TGFB2: variants seen among roughly 807,000 people sequenced by gnomAD.
TGFB2 encodes transforming growth factor beta-2 proprotein.
In TGFB2, 13 loss-of-function variants were observed where a neutral mutation model predicts 42.7. The ratio of observed to expected loss-of-function variants is 0.30; its 90% CI spans 0.20 to 0.48. TGFB2 has a LOEUF of 0.48. TGFB2 is among the 20% of genes least tolerant of loss of function. The pLI is 0.99. For synonymous variants in TGFB2, 193 were observed against 193.6 expected (o/e 1.00, Z 0.03); for missense variants, 390 against 517.5 (o/e 0.75, Z 2.39).
intron 1 of TGFB2, among the ~76,000 whole-genome samples, chr1:218,380,195 G>A (rs1260593792): frequency 1.3e-5 from 2 of 152,144 alleles, no homozygotes. Flanking sequence ...AGCTCAAGTC[G>A]GTGACCAATC....
intron 1 of TGFB2, among the ~76,000 whole-genome samples, chr1:218,395,906 G>T (rs1021894675): frequency 2.6e-5 from 4 of 152,094 alleles, no homozygotes; most frequent in African/African-American, 7.2e-5. Flanking sequence ...GAGCCACCGC[G>T]CCAGGCCTTG....
chr1:218,414,044 A>G (rs1659190005), intron 2 of TGFB2, among the ~76,000 whole-genome samples: 1 of 152,198 alleles, frequency 6.6e-6, no homozygotes, highest in Non-Finnish European at 1.5e-5. Context: ...CATCTCTGCA[A>G]CAGATTTTAA....
At chr1:218,361,565 C>T (rs1045552819) in intron 1 of TGFB2, among the ~76,000 whole-genome samples, 6 of 152,118 alleles carry the variant, frequency 3.9e-5, no homozygotes, top group Non-Finnish European at 8.8e-5. Flanking sequence ...TTAAATCCCC[C>T]CAAGAAATGC....
Position 218,441,371 on chromosome 1 carries a change from G to A in TGFB2, c.*9G>A, listed in dbSNP as rs1057521805. 8 of 1,595,908 alleles carry A rather than the reference G, an allele frequency of 5.0e-6. No individual in the cohort carries two copies. Among genetic ancestry groups the A allele is most frequent in the African/African-American group, 1.4e-5 (1 of 73,780 alleles). On this transcript the variant is annotated 3_prime_UTR_variant, in exon 7 of 7. Coordinates refer to ENST00000366930, the MANE Select transcript of TGFB2 (RefSeq NM_003238.6). ...CTTGCAAATGCAGCTAAAATTCTTG[G>A]AAAAGTGGCAAGACCAAAATGACAA...
In TGFB2 at chr1:218,346,587, A is replaced by AAAC. The variant is rs1553292025; in HGVS notation, c.-103_-101dup. On this transcript the variant is annotated 5_prime_UTR_variant, in exon 1 of 7. Coordinates refer to ENST00000366930, the MANE Select transcript of TGFB2 (RefSeq NM_003238.6). The surrounding 1 kb of genome is among the most constrained non-coding windows in gnomAD (Gnocchi z 4.9). ...ATTGTTTGCAAAAGTTTCGCATCAA[A>AAAC]AACAACAACAACAAAAAACCAAACA... is the stretch of plus-strand genomic sequence containing the variant. The AAAC allele has an allele frequency of 3.4e-6, 3 of 875,232 alleles. No homozygotes were observed. Among genetic ancestry groups the AAAC allele is most frequent in the South Asian group, 1.9e-5 (1 of 52,112 alleles). The allele number at this position is 875,232 out of a possible 1,614,324, so 54.2% of individuals were successfully genotyped here. A position where few individuals can be genotyped will look rare whatever the true frequency, so the allele number is the denominator to read the frequency against.
intron 1 of TGFB2, 40 bp downstream of exon 1, chr1:218,347,087 T>C (rs1184335900): frequency 1.3e-6 from 2 of 1,537,238 alleles, no homozygotes; most frequent in Non-Finnish European, 1.8e-6. Flanking sequence ...GAGGTTTAGC[T>C]CTGCCCGGAG....
chr1:218,363,018 A>T (rs1657269342), intron 1 of TGFB2, among the ~76,000 whole-genome samples: 1 of 152,220 alleles, frequency 6.6e-6, no homozygotes, highest in African/African-American at 2.4e-5. Context: ...TTTAATATAA[A>T]TCAAGGTATT....
intron 1 of TGFB2, among the ~76,000 whole-genome samples, chr1:218,386,176 A>C (rs183835154): frequency 2.9e-4 from 44 of 152,294 alleles, no homozygotes; most frequent in Admixed American, 5.9e-4. Context: ...CAGTGGAAAG[A>C]GTGTGGACTT....
At chr1:218,401,527 A>G (rs1429431638) in intron 1 of TGFB2, among the ~76,000 whole-genome samples, 2 of 152,122 alleles carry the variant, frequency 1.3e-5, no homozygotes, top group Non-Finnish European at 2.9e-5. Flanking sequence ...TTGAAGGAAA[A>G]TCGATTTGAT....
rs187035758 is a variant in TGFB2 at position 218,442,760 on chromosome 1, A to T, written c.*1398A>T. The T allele has an allele frequency of 2.0e-5, 3 of 152,140 alleles. No individual in the cohort carries two copies. Among genetic ancestry groups the T allele is most frequent in the Non-Finnish European group, 4.4e-5 (3 of 67,972 alleles). The allele number at this position is 152,140 out of a possible 1,614,324, so 9.4% of individuals were successfully genotyped here. A position where few individuals can be genotyped will look rare whatever the true frequency, so the allele number is the denominator to read the frequency against. On this transcript the variant is annotated 3_prime_UTR_variant, in exon 7 of 7. Coordinates refer to ENST00000366930, the MANE Select transcript of TGFB2 (RefSeq NM_003238.6). Reference sequence around the variant, plus strand: ...TACTAACCAAGTCAGACGTTAACAAATTTTTATGTTAGGAAAAGGAGGAAT... The same window carrying T: ...TACTAACCAAGTCAGACGTTAACAATTTTTTATGTTAGGAAAAGGAGGAAT...
At chr1:218,369,702 C>G (rs1181392251) in intron 1 of TGFB2, among the ~76,000 whole-genome samples, 1 of 152,204 alleles carries the variant, frequency 6.6e-6, no homozygotes, top group East Asian at 1.9e-4. Context: ...ACATGTGGCA[C>G]TATACCCATA....
chr1:218,434,244 A>C, intron 3 of TGFB2, 30 bp downstream of exon 3: 1 of 1,612,670 alleles, frequency 6.2e-7, no homozygotes, highest in South Asian at 1.1e-5. Flanking sequence ...TTTCCTCCCA[A>C]GATGTTCAGT....
rs1657426942 is a variant in TGFB2 at position 218,367,560 on chromosome 1, A to AT, written c.346+20519dup. On this transcript the variant is annotated intron_variant, in intron 1 of 6. Transcript: ENST00000366930. ...TATGGATATTCTATAACTACCGTAG[A>AT]TTTTTTGGCTATTGAACTATTTACA... Among the ~76,000 whole-genome samples the AT allele has an allele frequency of 2.6e-5, 4 of 152,250 alleles. 1 individual carries two copies. The South Asian group carries it at 8.3e-4, about 32-fold the overall frequency.
intron 1 of TGFB2, among the ~76,000 whole-genome samples, chr1:218,365,506 T>C (rs1446385159): frequency 1.3e-5 from 2 of 151,586 alleles, no homozygotes; most frequent in African/African-American, 4.9e-5. Context: ...AAATCAGGAG[T>C]GTCTGAGGGT....
At chr1:218,385,988 T>C (rs932444147) in intron 1 of TGFB2, among the ~76,000 whole-genome samples, 2 of 152,238 alleles carry the variant, frequency 1.3e-5, no homozygotes, top group Non-Finnish European at 2.9e-5. Context: ...CATTACTCCT[T>C]GAATCCTGTC....
intron 1 of TGFB2, among the ~76,000 whole-genome samples, chr1:218,378,451 A>G (rs1657828062): frequency 6.6e-6 from 1 of 152,152 alleles, no homozygotes; most frequent in Non-Finnish European, 1.5e-5. Context: ...TGCTGGGATT[A>G]CAGGCGTGAG....
At chr1:218,371,995 G>A (rs966608156) in intron 1 of TGFB2, among the ~76,000 whole-genome samples, 3 of 152,144 alleles carry the variant, frequency 2.0e-5, no homozygotes, top group African/African-American at 7.2e-5. Flanking sequence ...GGTGTCTGCT[G>A]TGTAACCCTC....
chr1:218,434,697 A>T (rs1252876603), intron 4 of TGFB2, among the ~76,000 whole-genome samples: 1 of 152,254 alleles, frequency 6.6e-6, no homozygotes, highest in African/African-American at 2.4e-5. Flanking sequence ...TTAACTCATT[A>T]ACCCTCCAGT....
intron 2 of TGFB2, among the ~76,000 whole-genome samples, chr1:218,425,845 A>C (rs1659606255): frequency 1.3e-5 from 2 of 152,216 alleles, no homozygotes; most frequent in African/African-American, 4.8e-5. Flanking sequence ...TGCCTTGCCA[A>C]TGCCAGTATT....
Sources: allele counts gnomAD v4.1 joint callset (sites outside exome capture counted in the v4.1 genomes callset), GRCh38; gene constraint gnomAD v4.1.1; non-coding constraint Gnocchi (gnomAD v3.1); transcripts MANE v1.5; gene names NCBI Gene and HGNC (gene_info 2026-07-23, HGNC 2026-07-21).